DPP10: variants seen among roughly 807,000 people sequenced by gnomAD.
DPP10 encodes the protein inactive dipeptidyl peptidase 10.
DPP10 carries 33 observed loss-of-function variants against 120.9 expected under a neutral mutation model. The ratio of observed to expected loss-of-function variants is 0.27; its 90% CI spans 0.21 to 0.37. The LOEUF is 0.37. Ranked by LOEUF, DPP10 falls within the 10% of genes least tolerant of loss-of-function variation. The pLI is 1.00. For missense variants in DPP10, 816 were observed against 942.8 expected, an observed-to-expected ratio of 0.87 and a Z score of 1.76; for synonymous variants, 337 against 326.1, an observed-to-expected ratio of 1.03 and a Z score of -0.36.
At chr2:114,767,781 C>T (rs1486932323) in intron 1 of DPP10, among the ~76,000 whole-genome samples, 1 of 152,098 alleles carries the variant, frequency 6.6e-6, no homozygotes, top group Non-Finnish European at 1.5e-5. Flanking sequence ...TGTGAGTAAG[C>T]TTTTCTAGTA....
rs944826922 is a variant in DPP10 at position 115,209,741 on chromosome 2, G to A, written c.61-99498G>A. On this transcript the variant is annotated intron_variant, in intron 1 of 25. Coordinates refer to ENST00000410059, the MANE Select transcript of DPP10 (RefSeq NM_020868.6). Reference sequence around the variant, plus strand: ...TCGATAACTGCAAAGAAGAAACTGTGTTTCCTGGGAGAGGAATTATTGCCA... The same window carrying A: ...TCGATAACTGCAAAGAAGAAACTGTATTTCCTGGGAGAGGAATTATTGCCA... 6.8e-4 allele frequency among the ~76,000 whole-genome samples: 103 copies of A among 152,140 alleles called. 5 individuals are homozygous for A. Among genetic ancestry groups the A allele is most frequent in the Non-Finnish European group, 1.5e-4 (10 of 68,024 alleles).
rs142921887 is a variant in DPP10, at chr2:114,820,740, C to T, written c.60+377902C>T. Among the ~76,000 whole-genome samples, 268 of 152,234 alleles carry T rather than the reference C, an allele frequency of 1.8e-3. 1 individual carries two copies. Among genetic ancestry groups the T allele is most frequent in the African/African-American group, 6.2e-3 (258 of 41,550 alleles). ...AAGAACAGCATGGGGGAACTGCCCC[C>T]GTAATCTAATCACCTCCCATGAGTT... On this transcript the variant is annotated intron_variant, in intron 1 of 25. Transcript: ENST00000410059.
Position 115,777,255 on chromosome 2 carries a change from G to A in DPP10, c.1269G>A (p.Trp423Ter). The change falls in exon 14 of 26, where the codon TGG (tryptophan) becomes TGA (stop). Residue 423 changes from tryptophan to a stop codon, truncating the protein, a stop_gained. Transcript: ENST00000410059. LOFTEE classifies it high-confidence loss of function. ...TGCGGCATCTGACATCAGGAAACTGGGAAGTGATAAAGATCTTGGCATACG... is the reference window on the plus strand; with the variant it reads ...TGCGGCATCTGACATCAGGAAACTGAGAAGTGATAAAGATCTTGGCATACG... The part of the protein sequence containing the change: ...ITVRHLTSGN[W>*]EVIKILAYDE... The A allele has an allele frequency of 6.2e-7, 1 of 1,613,144 alleles. No homozygotes were observed.
chr2:115,781,233 G>C (rs542321615), intron 16 of DPP10, among the ~76,000 whole-genome samples: 1 of 151,786 alleles, frequency 6.6e-6, no homozygotes, highest in Non-Finnish European at 1.5e-5. Flanking sequence ...AGTGCTATTT[G>C]AACATGAGCA....
chr2:114,760,798 C>T (rs1680215276), intron 1 of DPP10, among the ~76,000 whole-genome samples: 2 of 151,994 alleles, frequency 1.3e-5, no homozygotes, highest in African/African-American at 2.4e-5. Context: ...AAGCGCAACT[C>T]GATTTCTGAC....
intron 3 of DPP10, among the ~76,000 whole-genome samples, chr2:115,457,061 T>C (rs2073612748): frequency 6.6e-6 from 1 of 152,032 alleles, no homozygotes; most frequent in East Asian, 1.9e-4. Context: ...GGTACTATCA[T>C]AATGACAAAA....
intron 1 of DPP10, among the ~76,000 whole-genome samples, chr2:115,158,806 ACT>A (rs2052092116): frequency 6.6e-6 from 1 of 151,760 alleles, no homozygotes; most frequent in Non-Finnish European, 1.5e-5. Context: ...TTTTTAAAAA[ACT>A]CTCTTTAAAT....
chr2:114,615,230 CAT>C (rs759518726), intron 1 of DPP10, among the ~76,000 whole-genome samples: 3 of 152,090 alleles, frequency 2.0e-5, no homozygotes, highest in African/African-American at 4.8e-5. Flanking sequence ...TGTATTTTCA[CAT>C]GTTAGCATTC....
At chr2:115,382,497 A>C (rs1005822348) in intron 3 of DPP10, among the ~76,000 whole-genome samples, 7 of 152,226 alleles carry the variant, frequency 4.6e-5, no homozygotes, top group African/African-American at 1.7e-4. Flanking sequence ...CCTCAGATGG[A>C]AATGCAGAAA....
At chr2:115,064,558 C>G (rs901028621) in intron 1 of DPP10, 5 of 933,574 alleles carry the variant, frequency 5.4e-6, no homozygotes, top group African/African-American at 5.2e-5. Context: ...TCTGCCCCAC[C>G]ACCCACCCCT....
intron 3 of DPP10, among the ~76,000 whole-genome samples, chr2:115,465,714 C>T (rs866062127): frequency 3.3e-5 from 5 of 151,858 alleles, no homozygotes; most frequent in Non-Finnish European, 4.4e-5. Context: ...TCCAGCTACT[C>T]GGGAGGCTGA....
intron 5 of DPP10, among the ~76,000 whole-genome samples, chr2:115,543,032 G>T (rs898053691): frequency 1.3e-5 from 2 of 151,864 alleles, no homozygotes; most frequent in Non-Finnish European, 2.9e-5. Context: ...GCATGAGACG[G>T]GAAGCATATA....
At chr2:114,806,783 A>G (rs1251286265) in intron 1 of DPP10, among the ~76,000 whole-genome samples, 1 of 152,146 alleles carries the variant, frequency 6.6e-6, no homozygotes, top group Admixed American at 6.5e-5. Flanking sequence ...CAATCCAACC[A>G]TTTGCTTGAG....
chr2:115,589,930 C>T (rs1224511409), intron 5 of DPP10, among the ~76,000 whole-genome samples: 2 of 152,018 alleles, frequency 1.3e-5, no homozygotes, highest in African/African-American at 4.8e-5. Context: ...TTTCAGCAAA[C>T]CAGGTACTGT....
At chr2:114,672,846 G>A (rs1325842618) in intron 1 of DPP10, among the ~76,000 whole-genome samples, 3 of 152,144 alleles carry the variant, frequency 2.0e-5, no homozygotes, top group East Asian at 3.9e-4. Context: ...TCTCACGAGA[G>A]CACTGAGACC....
intron 5 of DPP10, among the ~76,000 whole-genome samples, chr2:115,624,020 A>G (rs1007717258): frequency 2.6e-5 from 4 of 152,100 alleles, no homozygotes; most frequent in African/African-American, 9.7e-5. Context: ...TCTTGTGTAG[A>G]TGTTAGGCCT....
chr2:114,621,703 C>T (rs1694105777), intron 1 of DPP10, among the ~76,000 whole-genome samples: 1 of 151,898 alleles, frequency 6.6e-6, no homozygotes, highest in East Asian at 1.9e-4. Context: ...TTGTACCTCT[C>T]AAAACTCTCC....
chr2:115,559,620 TAATC>T (rs764709632), intron 5 of DPP10, among the ~76,000 whole-genome samples: 57 of 152,302 alleles, frequency 3.7e-4, no homozygotes, highest in Non-Finnish European at 6.5e-4. Flanking sequence ...TTTCTATTAA[TAATC>T]AAAGTTATTA....
rs145317451 is a variant in DPP10 at position 114,781,062 on chromosome 2, T to C, written c.60+338224T>C. Reference sequence around the variant, plus strand: ...CCCTCTCTCTCTTTTTGTACAGCTCTTGATTGTCACAAAGTCCGATGTGCT... The same window carrying C: ...CCCTCTCTCTCTTTTTGTACAGCTCCTGATTGTCACAAAGTCCGATGTGCT... On this transcript the variant is annotated intron_variant, in intron 1 of 25. Coordinates refer to ENST00000410059, the MANE Select transcript of DPP10 (RefSeq NM_020868.6). Among the ~76,000 whole-genome samples, 598 of 152,248 alleles carry C rather than the reference T, an allele frequency of 3.9e-3. 4 individuals are homozygous for C. The highest frequency in any genetic ancestry group is 0.014 in the African/African-American group (575 of 41,560).
Sources: allele counts gnomAD v4.1 joint callset (sites outside exome capture counted in the v4.1 genomes callset), GRCh38; gene constraint gnomAD v4.1.1; transcripts MANE v1.5; gene names NCBI Gene and HGNC (gene_info 2026-07-23, HGNC 2026-07-21).